KSR2: variants seen among roughly 807,000 people sequenced by gnomAD.
KSR2 encodes kinase suppressor of ras 2.
KSR2 carries 25 observed loss-of-function variants against 107.8 expected under a neutral mutation model. The observed-to-expected ratio is 0.23, with a 90% CI of 0.17 to 0.32. The LOEUF is 0.32. KSR2 is among the 10% of genes least tolerant of loss of function. The probability of loss-of-function intolerance (pLI) is 1.00; values close to 1 mark genes in which losing one functional copy is unlikely to be tolerated. For synonymous variants in KSR2, 480 were observed against 507.0 expected (o/e 0.95, Z 0.71); for missense variants, 887 against 1,268.9 (o/e 0.70, Z 4.57).
intron 12 of KSR2, among the ~76,000 whole-genome samples, chr12:117,527,320 CACACAG>C (rs1565884896): frequency 9.9e-4 from 133 of 133,676 alleles, no homozygotes; most frequent in South Asian, 3.6e-3. Flanking sequence ...CACACACACA[CACACAG>C]ACACACACAC....
chr12:117,514,544 C>CTT (rs55927845), intron 14 of KSR2, among the ~76,000 whole-genome samples: 4,720 of 130,006 alleles, frequency 0.036, 259 homozygotes, highest in African/African-American at 0.11. Flanking sequence ...CTCTCTCTCT[C>CTT]TTTTTTTTTT....
chr12:117,842,679 A>G lies in KSR2; in HGVS notation c.472+12749T>C, dbSNP rs1478193574. 6.6e-6 allele frequency among the ~76,000 whole-genome samples: 1 copy of G among 152,190 alleles called. No homozygotes were observed. Among genetic ancestry groups the G allele is most frequent in the African/African-American group, 2.4e-5 (1 of 41,440 alleles). On this transcript the variant is annotated intron_variant, in intron 3 of 19. Transcript: ENST00000339824. The surrounding 1 kb of genome is among the most constrained non-coding windows in gnomAD (Gnocchi z 4.2). ...AGAAAGTGACTACAGCGCTGATCAGAGATGACAGCCAGAGAGTCGGGTTCT... is the reference window on the plus strand; with the variant it reads ...AGAAAGTGACTACAGCGCTGATCAGGGATGACAGCCAGAGAGTCGGGTTCT...
intron 12 of KSR2, among the ~76,000 whole-genome samples, chr12:117,528,898 G>T (rs189017221): frequency 4.6e-5 from 7 of 152,160 alleles, no homozygotes; most frequent in Non-Finnish European, 2.9e-5. Context: ...TCTGTTTTTC[G>T]CTGGTACCTC....
chr12:117,868,812 G>A (rs118020582), intron 1 of KSR2, among the ~76,000 whole-genome samples: 17,779 of 151,342 alleles, frequency 0.12, 1,122 homozygotes, highest in Admixed American at 0.16. Context: ...CTGCAGTAGC[G>A]TGATCTCAGC....
At chr12:117,734,521 A>G (rs1164149971) in intron 4 of KSR2, among the ~76,000 whole-genome samples, 1 of 152,018 alleles carries the variant, frequency 6.6e-6, no homozygotes, top group African/African-American at 2.4e-5. Context: ...CCAAGTTACA[A>G]TCCATACTCC....
At chr12:117,479,226 G>A (rs1871997376) in intron 16 of KSR2, among the ~76,000 whole-genome samples, 1 of 152,214 alleles carries the variant, frequency 6.6e-6, no homozygotes. Flanking sequence ...TGTAGGAAAG[G>A]AAGCAAAGCC....
intron 3 of KSR2, among the ~76,000 whole-genome samples, chr12:117,807,348 A>G (rs1891045963): frequency 6.6e-6 from 1 of 152,226 alleles, no homozygotes; most frequent in African/African-American, 2.4e-5. Flanking sequence ...AAAGAGAGAG[A>G]GGGAGAGAAG....
chr12:117,563,481 A>AC (rs1878259388), intron 7 of KSR2, among the ~76,000 whole-genome samples: 1 of 152,134 alleles, frequency 6.6e-6, no homozygotes, highest in South Asian at 2.1e-4. Context: ...CCCCATCTGT[A>AC]AGGTGGGGAC....
At chr12:117,741,110 G>A (rs1269197408) in intron 4 of KSR2, among the ~76,000 whole-genome samples, 3 of 152,214 alleles carry the variant, frequency 2.0e-5, no homozygotes, top group Non-Finnish European at 2.9e-5. Context: ...GCAGTGGCCA[G>A]CTAGAAGGGG....
chr12:117,533,704 C>T (rs1279221159), intron 10 of KSR2, among the ~76,000 whole-genome samples: 1 of 152,246 alleles, frequency 6.6e-6, no homozygotes. Context: ...CCCTCCACAG[C>T]TCTGACAGTG....
At chr12:117,583,449 ATGGATGGATGGATGGG>A (rs1489262088) in intron 5 of KSR2, among the ~76,000 whole-genome samples, 1 of 146,786 alleles carries the variant, frequency 6.8e-6, no homozygotes, top group Non-Finnish European at 1.5e-5. Flanking sequence ...GGATGGATGG[ATGGATGGATGGATGGG>A]TGAATGGAAA....
At position 117,925,119 on chromosome 12, in the gene KSR2, TTTTC is replaced by T. The variant is rs1780144991; in HGVS notation, c.180+42953_180+42956del. Among the ~76,000 whole-genome samples, 3 of 151,858 alleles carry T rather than the reference TTTTC, an allele frequency of 2.0e-5. No individual in the cohort carries two copies. The Middle Eastern group carries it at 0.01, about 517-fold the overall frequency. ...GTACAAGGAAGTTTGTTATACTATA[TTTTC>T]TTTCTTTTTTTTTTTTTTCAGACAG... On this transcript the variant is annotated intron_variant, in intron 1 of 19. Coordinates refer to ENST00000339824, the MANE Select transcript of KSR2 (RefSeq NM_173598.6).
intron 1 of KSR2, among the ~76,000 whole-genome samples, chr12:117,966,161 C>T (rs181080909): frequency 6.6e-5 from 10 of 152,164 alleles, no homozygotes; most frequent in South Asian, 2.1e-4. Flanking sequence ...ATGCCCACTG[C>T]GGCACATCCC....
At chr12:117,467,736 C>T in intron 19 of KSR2, 2 of 407,490 alleles carry the variant, frequency 4.9e-6, no homozygotes, top group East Asian at 7.4e-5. Context: ...ATGTCCACTG[C>T]AGCAAAAGGA....
intron 10 of KSR2, among the ~76,000 whole-genome samples, chr12:117,535,445 G>A (rs1338727419): frequency 6.6e-6 from 1 of 152,124 alleles, no homozygotes; most frequent in Non-Finnish European, 1.5e-5. Context: ...GCATAAAAGA[G>A]GCACTCAGGA....
intron 5 of KSR2, among the ~76,000 whole-genome samples, chr12:117,648,248 C>T (rs979631085): frequency 6.6e-6 from 1 of 152,160 alleles, no homozygotes; most frequent in Non-Finnish European, 1.5e-5. Context: ...GACAATTTTT[C>T]CCTTTCCCAT....
In KSR2 at chr12:117,638,296, G is replaced by A. The variant is rs904534139; in HGVS notation, c.1171+29178C>T. 5.9e-5 allele frequency among the ~76,000 whole-genome samples: 9 copies of A among 152,072 alleles called. 1 individual carries two copies. Among genetic ancestry groups the A allele is most frequent in the South Asian group, 4.2e-4 (2 of 4,806 alleles). On this transcript the variant is annotated intron_variant, in intron 5 of 19. Transcript: ENST00000339824. ...TAGTTTTGAAGTCCTTTTAAATTCC[G>A]GTTAAACTCATGTAAGATCAACAAT...
At chr12:117,774,118 G>A (rs894656898) in intron 3 of KSR2, among the ~76,000 whole-genome samples, 4 of 152,070 alleles carry the variant, frequency 2.6e-5, no homozygotes, top group Admixed American at 6.5e-5. Context: ...TGAGAGACCC[G>A]TCCAGAAAGC....
chr12:117,554,372 C>A (rs566492540), intron 9 of KSR2, among the ~76,000 whole-genome samples: 16 of 152,256 alleles, frequency 1.1e-4, no homozygotes, highest in African/African-American at 3.9e-4. Context: ...ACCCATCCAG[C>A]CCCTACCAGA....
Sources: allele counts gnomAD v4.1 joint callset (sites outside exome capture counted in the v4.1 genomes callset), GRCh38; gene constraint gnomAD v4.1.1; non-coding constraint Gnocchi (gnomAD v3.1); transcripts MANE v1.5; gene names NCBI Gene and HGNC (gene_info 2026-07-23, HGNC 2026-07-21).